The following SLC35F3 variants were observed in gnomAD, a reference collection of about 807,000 sequenced individuals.
The protein encoded by SLC35F3 is putative thiamine transporter SLC35F3.
SLC35F3 carries 25 observed loss-of-function variants against 49.9 expected under a neutral mutation model. The ratio of observed to expected loss-of-function variants is 0.50; its 90% CI spans 0.37 to 0.70. The LOEUF is 0.70. Among genes scored for constraint, SLC35F3 ranks in the 30% least tolerant of loss-of-function variants. The pLI is 0.00. For missense variants in SLC35F3, 525 were observed against 639.8 expected, an observed-to-expected ratio of 0.82 and a Z score of 1.94; for synonymous variants, 275 against 265.4, an observed-to-expected ratio of 1.04 and a Z score of -0.35.
intron 2 of SLC35F3, among the ~76,000 whole-genome samples, chr1:233,990,836 G>T (rs1208473816): frequency 1.3e-5 from 2 of 152,134 alleles, no homozygotes; most frequent in Non-Finnish European, 2.9e-5. Context: ...TTAATTAAAT[G>T]CCTAGAAAAT....
At chr1:233,965,709 G>A (rs778004551) in intron 2 of SLC35F3, among the ~76,000 whole-genome samples, 40 of 152,178 alleles carry the variant, frequency 2.6e-4, no homozygotes, top group Non-Finnish European at 4.9e-4. Context: ...GCCTCCAGAT[G>A]AGAACACAGC....
At chr1:234,136,984 G>A (rs1357905900) in intron 2 of SLC35F3, among the ~76,000 whole-genome samples, 1 of 152,174 alleles carries the variant, frequency 6.6e-6, no homozygotes, top group Non-Finnish European at 1.5e-5. Flanking sequence ...AATATTTATT[G>A]GGGCCCTACT....
At chr1:234,067,850 CATG>C (rs1664645567) in intron 2 of SLC35F3, among the ~76,000 whole-genome samples, 1 of 152,184 alleles carries the variant, frequency 6.6e-6, no homozygotes, top group Non-Finnish European at 1.5e-5. Flanking sequence ...GGTCATGGGT[CATG>C]GTGGTGGTGA....
chr1:234,014,751 A>G (rs1256805124), intron 2 of SLC35F3, among the ~76,000 whole-genome samples: 3 of 152,252 alleles, frequency 2.0e-5, no homozygotes, highest in Non-Finnish European at 2.9e-5. Context: ...AATAAAATGC[A>G]TAGGAATAAA....
chr1:234,302,196 AAAG>A (rs1476277048), intron 3 of SLC35F3, among the ~76,000 whole-genome samples: 3 of 152,132 alleles, frequency 2.0e-5, no homozygotes, highest in African/African-American at 4.8e-5. Context: ...TTAAAAGAAA[AAAG>A]AAGAATACCA....
At chr1:234,317,706 CT>C (rs1394723824) in intron 5 of SLC35F3, among the ~76,000 whole-genome samples, 2 of 152,214 alleles carry the variant, frequency 1.3e-5, no homozygotes, top group African/African-American at 4.8e-5. Context: ...ATGTCATTTT[CT>C]TTCTCTGAGC....
At chr1:234,035,195 G>A (rs1260689305) in intron 2 of SLC35F3, among the ~76,000 whole-genome samples, 1 of 152,130 alleles carries the variant, frequency 6.6e-6, no homozygotes, top group Admixed American at 6.6e-5. Flanking sequence ...AAGGGGGCAT[G>A]GAAGTACATG....
intron 2 of SLC35F3, among the ~76,000 whole-genome samples, chr1:233,946,966 G>C (rs1195418405): frequency 6.6e-6 from 1 of 152,080 alleles, no homozygotes; most frequent in Non-Finnish European, 1.5e-5. Context: ...ATTAAATTTT[G>C]GGCAAAATAT....
At chr1:234,058,142 T>C (rs1023050332) in intron 2 of SLC35F3, among the ~76,000 whole-genome samples, 17 of 152,068 alleles carry the variant, frequency 1.1e-4, no homozygotes, top group Non-Finnish European at 8.8e-5. Flanking sequence ...TTGAGCGCTT[T>C]AATATGAAAG....
intron 2 of SLC35F3, among the ~76,000 whole-genome samples, chr1:234,064,772 A>G (rs1054720594): frequency 1.3e-5 from 2 of 152,204 alleles, no homozygotes; most frequent in African/African-American, 2.4e-5. Context: ...TTCAGGCATC[A>G]TAGTACCTAG....
At chr1:234,280,257 T>TTTTAGGC (rs749498171) in intron 3 of SLC35F3, among the ~76,000 whole-genome samples, 1 of 152,238 alleles carries the variant, frequency 6.6e-6, no homozygotes, top group Non-Finnish European at 1.5e-5. Context: ...TACCAAATCA[T>TTTTAGGC]TTTAGGCAAC....
intron 2 of SLC35F3, among the ~76,000 whole-genome samples, chr1:234,043,672 G>C (rs550397214): frequency 1.4e-4 from 22 of 152,040 alleles, no homozygotes; most frequent in Non-Finnish European, 2.5e-4. Flanking sequence ...CTCTGAAAAG[G>C]TCTCCAGGAC....
At chr1:234,265,346 G>GTT (rs71576408) in intron 3 of SLC35F3, among the ~76,000 whole-genome samples, 41 of 151,118 alleles carry the variant, frequency 2.7e-4, no homozygotes, top group Admixed American at 7.2e-4. Context: ...TTTTCTTTTT[G>GTT]TTTTTTTGGT....
At chr1:234,091,272 G>A (rs1340566463) in intron 2 of SLC35F3, among the ~76,000 whole-genome samples, 1 of 152,078 alleles carries the variant, frequency 6.6e-6, no homozygotes, top group Non-Finnish European at 1.5e-5. Flanking sequence ...ACCCTACCTT[G>A]AGGCTTTTGT....
intron 3 of SLC35F3, among the ~76,000 whole-genome samples, chr1:234,254,939 T>TA (rs1194843386): frequency 1.1e-4 from 17 of 152,266 alleles, no homozygotes; most frequent in African/African-American, 3.6e-4. Context: ...TTAGTACTTT[T>TA]GTTAGTAACT....
intron 2 of SLC35F3, among the ~76,000 whole-genome samples, chr1:233,950,217 T>C (rs1662580464): frequency 6.6e-6 from 1 of 151,516 alleles, no homozygotes; most frequent in Non-Finnish European, 1.5e-5. Context: ...AAACCCCGTC[T>C]CTACTAAAAA....
chr1:234,101,032 C>G (rs893510934), intron 2 of SLC35F3, among the ~76,000 whole-genome samples: 1 of 152,014 alleles, frequency 6.6e-6, no homozygotes, highest in African/African-American at 2.4e-5. Flanking sequence ...AACACAAGCC[C>G]CTTCCTACCA....
At chr1:234,071,898 A>G (rs759246082) in intron 2 of SLC35F3, among the ~76,000 whole-genome samples, 5 of 152,196 alleles carry the variant, frequency 3.3e-5, no homozygotes, top group Non-Finnish European at 5.9e-5. Context: ...TCCCTTGTCA[A>G]TAAAGTTTCA....
intron 3 of SLC35F3, among the ~76,000 whole-genome samples, chr1:234,286,394 CA>C (rs1284645064): frequency 4.0e-5 from 6 of 151,760 alleles, no homozygotes; most frequent in African/African-American, 2.4e-5. Flanking sequence ...TGGCTGGGGC[CA>C]GGGGCGGGGG....
Sources: allele counts gnomAD v4.1 joint callset (sites outside exome capture counted in the v4.1 genomes callset), GRCh38; gene constraint gnomAD v4.1.1; transcripts MANE v1.5; gene names NCBI Gene and HGNC (gene_info 2026-07-23, HGNC 2026-07-21).